The following CDH8 variants were observed in gnomAD, a reference collection of about 807,000 sequenced individuals.
CDH8 encodes cadherin 8.
CDH8 carries 17 observed loss-of-function variants against 68.1 expected under a neutral mutation model. That is an observed-to-expected ratio of 0.25 (90% CI 0.17 to 0.37). CDH8 has a LOEUF of 0.37. CDH8 is among the 10% of genes least tolerant of loss of function. The pLI is 1.00. For missense variants in CDH8, 763 were observed against 999.3 expected, an observed-to-expected ratio of 0.76 and a Z score of 3.19; for synonymous variants, 372 against 365.1, an observed-to-expected ratio of 1.02 and a Z score of -0.21.
intron 8 of CDH8, among the ~76,000 whole-genome samples, chr16:61,728,887 C>T (rs557592864): frequency 4.2e-4 from 64 of 151,078 alleles, no homozygotes; most frequent in Non-Finnish European, 6.8e-4. Flanking sequence ...AAAACTGAAA[C>T]TCAGAAATTT....
chr16:61,865,332 A>T (rs1963234313), intron 3 of CDH8, among the ~76,000 whole-genome samples: 1 of 152,192 alleles, frequency 6.6e-6, no homozygotes, highest in Non-Finnish European at 1.5e-5. Context: ...CACACTTAAC[A>T]TTGTGTTTTT....
intron 10 of CDH8, among the ~76,000 whole-genome samples, chr16:61,712,319 A>T (rs1483622503): frequency 6.6e-6 from 1 of 151,682 alleles, no homozygotes; most frequent in Non-Finnish European, 1.5e-5. Context: ...CCAATACCTT[A>T]TGTGATGCCT....
intron 10 of CDH8, among the ~76,000 whole-genome samples, chr16:61,695,822 T>C: frequency 6.6e-6 from 1 of 152,198 alleles, no homozygotes; most frequent in Non-Finnish European, 1.5e-5. Flanking sequence ...TTTTTAGAGT[T>C]TTTTTAACTG....
chr16:61,971,961 A>G (rs1207179070), intron 2 of CDH8, among the ~76,000 whole-genome samples: 1 of 152,216 alleles, frequency 6.6e-6, no homozygotes, highest in Non-Finnish European at 1.5e-5. Flanking sequence ...GAGTGTATCA[A>G]CGTAAGAAAA....
At chr16:61,800,214 C>A (rs1961589322) in intron 7 of CDH8, among the ~76,000 whole-genome samples, 1 of 152,198 alleles carries the variant, frequency 6.6e-6, no homozygotes, top group Non-Finnish European at 1.5e-5. Flanking sequence ...ACACACCATT[C>A]CAGTGTTCTG....
intron 3 of CDH8, among the ~76,000 whole-genome samples, chr16:61,880,311 C>T (rs933111373): frequency 2.0e-5 from 3 of 152,130 alleles, no homozygotes; most frequent in South Asian, 2.1e-4. Flanking sequence ...GTCTAGGCAA[C>T]GTCAGTTGCA....
intron 1 of CDH8, among the ~76,000 whole-genome samples, chr16:62,023,727 T>C (rs1357567811): frequency 6.6e-6 from 1 of 152,100 alleles, no homozygotes; most frequent in African/African-American, 2.4e-5. Flanking sequence ...AGGATGGTGC[T>C]AGAGGGGAAA....
intron 10 of CDH8, among the ~76,000 whole-genome samples, chr16:61,667,934 C>T (rs1035615794): frequency 4.0e-5 from 6 of 151,858 alleles, no homozygotes; most frequent in Admixed American, 3.9e-4. Flanking sequence ...GTCACCTTAA[C>T]AAAAATTACC....
At chr16:61,787,742 C>T (rs1452884688) in intron 8 of CDH8, among the ~76,000 whole-genome samples, 3 of 150,776 alleles carry the variant, frequency 2.0e-5, no homozygotes, top group Non-Finnish European at 4.4e-5. Flanking sequence ...ACATATACAT[C>T]ATGGAATACT....
In CDH8 at chr16:62,034,194, C is replaced by A. The variant is rs1036083099; in HGVS notation, c.-200+1886G>T. On this transcript the variant is annotated intron_variant, in intron 1 of 11. Coordinates refer to ENST00000577390, the MANE Select transcript of CDH8 (RefSeq NM_001796.5). ...CTCATATATATATCTCTCTCTCAAACACACACACACACACACACACACACG... is the reference window on the plus strand; with the variant it reads ...CTCATATATATATCTCTCTCTCAAAAACACACACACACACACACACACACG... Among the ~76,000 whole-genome samples, 9 of 144,628 alleles carry A rather than the reference C, an allele frequency of 6.2e-5. No homozygotes were observed. In the East Asian group the frequency reaches 1.6e-3, roughly 25 times the overall value. The allele number at this position is 144,628 out of a possible 152,430, so 94.9% of individuals were successfully genotyped here.
intron 9 of CDH8, chr16:61,714,234 T>A: frequency 2.8e-6 from 1 of 360,136 alleles, no homozygotes; most frequent in South Asian, 3.3e-5. Context: ...GTATTTGAAA[T>A]ATCCACTGGG....
chr16:61,863,883 T>A (rs1344168620), intron 3 of CDH8, among the ~76,000 whole-genome samples: 2 of 152,202 alleles, frequency 1.3e-5, no homozygotes, highest in African/African-American at 2.4e-5. Context: ...TACTTAAACA[T>A]TCATGCATCC....
Position 61,647,682 on chromosome 16 carries a change from T to G in CDH8, c.*5926A>C. 1 of 627,332 alleles carries G rather than the reference T, an allele frequency of 1.6e-6. No individual in the cohort carries two copies. The highest frequency in any genetic ancestry group is 2.8e-6 in the Non-Finnish European group (1 of 352,438). The allele number at this position is 627,332 out of a possible 1,614,324, so 38.9% of individuals were successfully genotyped here. ...CATCTTAGAGCATAATTGTTAAAAT[T>G]TTCCTCTTATTTTTGAGGAATCATA... is the stretch of plus-strand genomic sequence containing the variant. On this transcript the variant is annotated 3_prime_UTR_variant, in exon 12 of 12. Transcript: ENST00000577390.
At chr16:62,018,136 G>A (rs1158557939) in intron 2 of CDH8, among the ~76,000 whole-genome samples, 1 of 152,018 alleles carries the variant, frequency 6.6e-6, no homozygotes, top group Non-Finnish European at 1.5e-5. Flanking sequence ...ACCTTCTCAG[G>A]GTTAACACCC....
Position 61,835,851 on chromosome 16 carries a change from G to T in CDH8, c.668-10672C>A, listed in dbSNP as rs190251252. On this transcript the variant is annotated intron_variant, in intron 4 of 11. Coordinates refer to ENST00000577390, the MANE Select transcript of CDH8 (RefSeq NM_001796.5). ...TTCAGAACTTAAGCAGAAGAGAACA[G>T]CAGAGTTGTAGAGAGAATGGGGCAC... 9.1e-4 allele frequency among the ~76,000 whole-genome samples: 138 copies of T among 152,066 alleles called. No homozygotes were observed. The South Asian group carries it at 0.014, about 15-fold the overall frequency.
intron 4 of CDH8, among the ~76,000 whole-genome samples, chr16:61,838,714 C>A (rs1332674447): frequency 6.6e-6 from 1 of 152,038 alleles, no homozygotes; most frequent in Non-Finnish European, 1.5e-5. Flanking sequence ...TAGAAGTAAC[C>A]TATATATGTG....
chr16:62,029,031 G>T (rs1484710847), intron 1 of CDH8, among the ~76,000 whole-genome samples: 2 of 152,124 alleles, frequency 1.3e-5, no homozygotes, highest in African/African-American at 4.8e-5. Context: ...TTAGAGCATT[G>T]ACTCTAGAGT....
At chr16:61,755,094 T>C (rs1298419234) in intron 8 of CDH8, among the ~76,000 whole-genome samples, 1 of 152,156 alleles carries the variant, frequency 6.6e-6, no homozygotes, top group Non-Finnish European at 1.5e-5. Context: ...ATATAGGAGA[T>C]ACAAGGCAAA....
intron 10 of CDH8, among the ~76,000 whole-genome samples, chr16:61,695,811 G>C (rs542406735): frequency 6.6e-6 from 1 of 152,136 alleles, no homozygotes; most frequent in Non-Finnish European, 1.5e-5. Flanking sequence ...GATGGATACA[G>C]TTTTTAGAGT....
Sources: gnomAD v4.1 joint callset for allele counts (sites outside exome capture counted in the v4.1 genomes callset) on GRCh38, gnomAD v4.1.1 for gene constraint, MANE v1.5 for transcripts, NCBI Gene and HGNC (gene_info 2026-07-23, HGNC 2026-07-21) for gene names.